Variants in TTC13 observed in about 807,000 individuals in gnomAD.
TTC13 encodes the protein tetratricopeptide repeat protein 13.
Under a neutral mutation model 120.0 loss-of-function variants are expected in TTC13, and 62 were observed. The ratio of observed to expected loss-of-function variants is 0.52; its 90% confidence interval spans 0.42 to 0.64. TTC13 has a LOEUF of 0.64. Ranked by LOEUF, TTC13 falls within the 30% of genes least tolerant of loss-of-function variation. TTC13 has a pLI of 0.00. For synonymous variants in TTC13, 384 were observed against 393.5 expected, an observed-to-expected ratio of 0.98 and a Z score of 0.28; for missense variants, 824 against 1,050.2, an observed-to-expected ratio of 0.78 and a Z score of 2.98.
In TTC13 at chr1:230,907,191, G is replaced by A. The variant is rs181868912; in HGVS notation, c.2469-172C>T. 5.3e-4 allele frequency among the ~76,000 whole-genome samples: 81 copies of A among 152,290 alleles called. 1 individual carries two copies. The East Asian group carries it at 0.013, about 25-fold the overall frequency. On this transcript the variant is annotated intron_variant, in intron 22 of 22. Coordinates refer to ENST00000366661, the MANE Select transcript of TTC13 (RefSeq NM_024525.5). ...ACAGAATGGCTCCTCTCACAACAAC[G>A]GCCTGCGGCATCAGCCAACACGTTA...
At chr1:230,908,662 T>C (rs754433314) in intron 22 of TTC13, 50 bp downstream of exon 22, 6 of 1,504,744 alleles carry the variant, frequency 4.0e-6, no homozygotes, top group Middle Eastern at 1.7e-4. Context: ...GAAACTCCTT[T>C]TCCTCCTCCA....
chr1:230,954,146 A>T (rs1354397486), intron 4 of TTC13, among the ~76,000 whole-genome samples, 187 bp downstream of exon 4: 1 of 152,136 alleles, frequency 6.6e-6, no homozygotes, highest in Non-Finnish European at 1.5e-5. Context: ...AAAATCTTTC[A>T]TTTAAAAGAT....
At chr1:230,961,159 A>G (rs1676601226) in intron 2 of TTC13, 50 bp downstream of exon 2, 6 of 1,477,528 alleles carry the variant, frequency 4.1e-6, no homozygotes, top group Admixed American at 1.8e-5. Context: ...TGGAACTAGT[A>G]TCACTGGGCT....
chr1:230,930,369 T>C (rs953325031), intron 11 of TTC13, among the ~76,000 whole-genome samples: 2 of 152,196 alleles, frequency 1.3e-5, no homozygotes, highest in African/African-American at 4.8e-5. Flanking sequence ...TACCACAAAT[T>C]TAAAATTACA....
In TTC13 at chr1:230,908,732, T is replaced by C; in HGVS notation, c.2448A>G (p.Lys816=). ...PGSEAFSKVA[K]SWMNLKSISP... ...GTTACCTTTTCAAGTTCATCCAGCT[T>C]TTGGCGACTTTGCTAAAGGCCTCTG... Residue 816 remains lysine, a synonymous_variant, in exon 22 of 23, where the codon AAA becomes AAG. Coordinates refer to ENST00000366661, the MANE Select transcript of TTC13 (RefSeq NM_024525.5). 1.2e-6 allele frequency: 2 copies of C among 1,613,644 alleles called. No individual in the cohort carries two copies. Among genetic ancestry groups the C allele is most frequent in the Non-Finnish European group, 1.7e-6 (2 of 1,179,542 alleles).
intron 12 of TTC13, 146 bp downstream of exon 12, chr1:230,928,791 C>T: frequency 1.4e-6 from 1 of 727,168 alleles, no homozygotes; most frequent in Non-Finnish European, 2.2e-6. Flanking sequence ...TTCACAGGCA[C>T]AAGGATAGTA....
Position 230,978,382 on chromosome 1 carries a change from C to T in TTC13, c.271+178G>A, listed in dbSNP as rs1334919287. Among the ~76,000 whole-genome samples the T allele has an allele frequency of 6.6e-6, 1 of 151,986 alleles. No individual in the cohort carries two copies. Among genetic ancestry groups the T allele is most frequent in the African/African-American group, 2.4e-5 (1 of 41,430 alleles). On this transcript the variant is annotated intron_variant, in intron 1 of 22. Coordinates refer to ENST00000366661, the MANE Select transcript of TTC13 (RefSeq NM_024525.5). The surrounding 1 kb of genome is among the most constrained non-coding windows in gnomAD (Gnocchi z 5.6). ...AAGGCGGCTGCAGGAGGGCGCGCGGCGGCGTGGGTGGCAGCGGCGGGAAGC... is the reference window on the plus strand; with the variant it reads ...AAGGCGGCTGCAGGAGGGCGCGCGGTGGCGTGGGTGGCAGCGGCGGGAAGC...
At chr1:230,933,374 C>A (rs528790831) in intron 9 of TTC13, among the ~76,000 whole-genome samples, 1 of 152,078 alleles carries the variant, frequency 6.6e-6, no homozygotes, top group Non-Finnish European at 1.5e-5. Context: ...TCATTCTCAG[C>A]AGATGTACAT....
Position 230,954,387 on chromosome 1 carries a change from C to A in TTC13, c.459G>T (p.Leu153Phe). Reference sequence around the variant, plus strand: ...CTTCATCATACAGACCACTGCCAATCAAGACATAAGCAATAGCTATGAAAC... The same window carrying A: ...CTTCATCATACAGACCACTGCCAATAAAGACATAAGCAATAGCTATGAAAC... ...TNEELAIAYVLIGSGLYDEAI... is the reference protein window; with the variant it reads ...TNEELAIAYVFIGSGLYDEAI... Residue 153 changes from leucine to phenylalanine, a missense_variant, in exon 4 of 23, where the codon TTG (leucine) becomes TTT (phenylalanine). Physicochemically the swap from Leu to Phe is conservative, Grantham distance 22. Transcript: ENST00000366661. The A allele has an allele frequency of 6.2e-7, 1 of 1,611,366 alleles. No individual in the cohort carries two copies. Among genetic ancestry groups the A allele is most frequent in the South Asian group, 1.1e-5 (1 of 90,578 alleles).
chr1:230,966,757 T>C (rs1677166717), intron 1 of TTC13, among the ~76,000 whole-genome samples: 1 of 152,152 alleles, frequency 6.6e-6, no homozygotes, highest in Non-Finnish European at 1.5e-5. Context: ...AGCTAACACA[T>C]AGTTACCGTG....
At chr1:230,949,442 T>A (rs1199068940) in intron 4 of TTC13, among the ~76,000 whole-genome samples, 1 of 78,836 alleles carries the variant, frequency 1.3e-5, no homozygotes, top group Admixed American at 1.5e-4. Context: ...TTGCAACAGC[T>A]GAAATATCCG....
chr1:230,932,200 G>A (rs976788511), intron 9 of TTC13, among the ~76,000 whole-genome samples: 1 of 151,698 alleles, frequency 6.6e-6, no homozygotes, highest in Non-Finnish European at 1.5e-5. Flanking sequence ...GTTAATATAT[G>A]GATAGAAACA....
In TTC13 at chr1:230,978,796, A is replaced by AAGCAGCAGCAGC. The variant is rs577954914; in HGVS notation, c.23_34dup (p.Cys8_Cys11dup). On this transcript the variant is annotated inframe_insertion, in exon 1 of 23. Coordinates refer to ENST00000366661, the MANE Select transcript of TTC13 (RefSeq NM_024525.5). The surrounding 1 kb of genome is among the most constrained non-coding windows in gnomAD (Gnocchi z 5.6). ...CGCGGCGGCCACAGCGCCGCCCCAG[A>AAGCAGCAGCAGC]AGCAGCAGCAGCAGCAGCAGCCGGC... 9 of 1,495,878 alleles carry AAGCAGCAGCAGC rather than the reference A, an allele frequency of 6.0e-6. No homozygotes were observed. Among genetic ancestry groups the AAGCAGCAGCAGC allele is most frequent in the African/African-American group, 5.8e-5 (4 of 68,588 alleles). The allele number at this position is 1,495,878 out of a possible 1,614,324, so 92.7% of individuals were successfully genotyped here.
At chr1:230,968,281 G>A (rs1677342973) in intron 1 of TTC13, among the ~76,000 whole-genome samples, 1 of 138,756 alleles carries the variant, frequency 7.2e-6, no homozygotes, top group Non-Finnish European at 1.5e-5. Context: ...TGGTTCAGTA[G>A]TATTAGGTAT....
chr1:230,953,390 C>T (rs754284487), intron 4 of TTC13, among the ~76,000 whole-genome samples: 8 of 152,200 alleles, frequency 5.3e-5, no homozygotes, highest in Non-Finnish European at 1.0e-4. Context: ...GACTGGAAGG[C>T]ATTTGTTGGC....
chr1:230,911,379 T>C, intron 20 of TTC13, 91 bp downstream of exon 20: 1 of 858,368 alleles, frequency 1.2e-6, no homozygotes, highest in Non-Finnish European at 1.7e-6. Context: ...TTTCTTTGTG[T>C]ACTCTGTACC....
Position 230,931,480 on chromosome 1 carries a change from C to T in TTC13, c.1126-8G>A. 1.9e-6 allele frequency: 3 copies of T among 1,613,352 alleles called. No individual in the cohort carries two copies. Among genetic ancestry groups the T allele is most frequent in the East Asian group, 2.2e-5 (1 of 44,884 alleles). ...CTCTAGCTGCAGACACCGCTGAGGA[C>T]AAAATGCTGCATTAGTATCAACACA... On this transcript the variant is annotated splice_polypyrimidine_tract_variant and splice_region_variant and intron_variant, in intron 10 of 22. Coordinates refer to ENST00000366661, the MANE Select transcript of TTC13 (RefSeq NM_024525.5).
chr1:230,946,874 C>T (rs556371554), intron 4 of TTC13, among the ~76,000 whole-genome samples: 4 of 152,054 alleles, frequency 2.6e-5, no homozygotes, highest in East Asian at 3.9e-4. Context: ...CTAAGAGGGG[C>T]GGGGAACAGT....
rs1164839939 is a variant in TTC13 at position 230,912,756 on chromosome 1, A to G, written c.2096T>C (p.Val699Ala). 6.2e-7 allele frequency: 1 copy of G among 1,604,942 alleles called. No homozygotes were observed. The highest frequency in any genetic ancestry group is 8.5e-7 in the Non-Finnish European group (1 of 1,177,706). The part of the protein sequence containing the change: ...GFTITITGDK[V>A]GNILFSVETQ... The stretch of plus-strand genomic sequence containing the variant: ...TTCCACAGAAAATAATATATTGCCA[A>G]CTCTGAAAATACAAAAATAAGTGTG... Residue 699 changes from valine to alanine, a missense_variant and splice_region_variant, in exon 19 of 23, where the codon GTT (valine) becomes GCT (alanine). Coordinates refer to ENST00000366661, the MANE Select transcript of TTC13 (RefSeq NM_024525.5).
Sources: allele counts gnomAD v4.1 joint callset (sites outside exome capture counted in the v4.1 genomes callset), GRCh38; gene constraint gnomAD v4.1.1; non-coding constraint Gnocchi (gnomAD v3.1); transcripts MANE v1.5; gene names NCBI Gene and HGNC (gene_info 2026-07-23, HGNC 2026-07-21).